Variants in RGS6 observed in about 807,000 individuals in gnomAD.
RGS6 encodes the protein regulator of G protein signaling 6, also known as regulator of G-protein signaling 6.
In RGS6, 30 loss-of-function variants were observed where a neutral mutation model predicts 78.5. That is an observed-to-expected ratio of 0.38 (90% confidence interval 0.29 to 0.52). RGS6 has a LOEUF of 0.52. Among genes scored for constraint, RGS6 ranks in the 20% least tolerant of loss-of-function variants. The pLI is 0.85. For missense variants in RGS6, 495 were observed against 609.7 expected, an observed-to-expected ratio of 0.81 and a Z score of 1.98; for synonymous variants, 206 against 206.0, an observed-to-expected ratio of 1.00 and a Z score of 0.00.
Position 72,103,555 on chromosome 14 carries a change from C to T in RGS6, c.84+138680C>T, listed in dbSNP as rs191422233. The stretch of plus-strand genomic sequence containing the variant: ...AACTTACGTATTTTTGTATATGCAA[C>T]AACTTAGGGAAAAACATAATGGCAG... On this transcript the variant is annotated intron_variant, in intron 2 of 17. Transcript: ENST00000553525. Among the ~76,000 whole-genome samples the T allele has an allele frequency of 3.9e-5, 6 of 152,276 alleles. No individual in the cohort carries two copies. In the East Asian group the frequency reaches 1.2e-3, roughly 29 times the overall value.
chr14:72,433,951 G>A (rs1279672227), intron 3 of RGS6, among the ~76,000 whole-genome samples: 1 of 152,238 alleles, frequency 6.6e-6, no homozygotes, highest in African/African-American at 2.4e-5. Context: ...TGCTGATGTT[G>A]TGTTCCATGA....
intron 2 of RGS6, among the ~76,000 whole-genome samples, chr14:72,318,903 G>T (rs943158837): frequency 3.9e-5 from 6 of 152,204 alleles, no homozygotes; most frequent in African/African-American, 1.4e-4. Context: ...TGGCCGAGAA[G>T]AAGCAGTGGC....
intron 2 of RGS6, among the ~76,000 whole-genome samples, chr14:72,143,927 G>A (rs754293026): frequency 3.9e-5 from 6 of 152,088 alleles, no homozygotes; most frequent in Non-Finnish European, 7.4e-5. Flanking sequence ...CATCAAATTA[G>A]TAAGAGATAT....
chr14:71,971,805 G>A (rs550579934), intron 2 of RGS6, among the ~76,000 whole-genome samples: 30 of 151,956 alleles, frequency 2.0e-4, no homozygotes, highest in Non-Finnish European at 3.2e-4. Flanking sequence ...CTTAGGGGCC[G>A]TTGGAATGGT....
intron 2 of RGS6, among the ~76,000 whole-genome samples, chr14:72,090,797 T>C (rs538268691): frequency 3.3e-5 from 5 of 152,266 alleles, no homozygotes; most frequent in African/African-American, 1.2e-4. Flanking sequence ...GGGCCCACCT[T>C]GGCCTTGCTG....
intron 15 of RGS6, among the ~76,000 whole-genome samples, chr14:72,526,172 C>T (rs1170847519): frequency 2.6e-5 from 4 of 151,466 alleles, no homozygotes; most frequent in Non-Finnish European, 4.4e-5. Flanking sequence ...GGCACAATCT[C>T]GGCTCACTGC....
At chr14:72,560,836 G>GAAA (rs2097665106) in intron 17 of RGS6, among the ~76,000 whole-genome samples, 1 of 142,836 alleles carries the variant, frequency 7.0e-6, no homozygotes, top group African/African-American at 2.8e-5. Context: ...GTGTGTGTGT[G>GAAA]TGTTTAAGAT....
intron 3 of RGS6, among the ~76,000 whole-genome samples, chr14:72,363,118 T>C (rs1189745828): frequency 6.6e-6 from 1 of 152,118 alleles, no homozygotes; most frequent in Admixed American, 6.5e-5. Flanking sequence ...AATAATATAT[T>C]ATAAAGGAAA....
chr14:71,958,746 A>T (rs1302348337), intron 1 of RGS6, among the ~76,000 whole-genome samples: 2 of 152,180 alleles, frequency 1.3e-5, no homozygotes, highest in Non-Finnish European at 2.9e-5. Context: ...GCTCCATGGA[A>T]TCTAGGTCAG....
chr14:72,066,204 T>C (rs1051206011), intron 2 of RGS6, among the ~76,000 whole-genome samples: 4 of 152,150 alleles, frequency 2.6e-5, no homozygotes, highest in South Asian at 2.1e-4. Flanking sequence ...AGAAGTACTT[T>C]TGTGGTTTGA....
chr14:71,995,537 A>G (rs1050633331), intron 2 of RGS6, among the ~76,000 whole-genome samples: 4 of 152,182 alleles, frequency 2.6e-5, no homozygotes, highest in African/African-American at 9.7e-5. Flanking sequence ...AGCCATGGGA[A>G]GTTTCCTTGA....
intron 2 of RGS6, among the ~76,000 whole-genome samples, chr14:72,075,948 A>G (rs1567155222): frequency 1.3e-5 from 2 of 152,208 alleles, no homozygotes; most frequent in Admixed American, 6.5e-5. Context: ...TTCTGACACA[A>G]GGCTCTGGCT....
chr14:71,872,819 G>GT, the RGS6 span, among the ~76,000 whole-genome samples: 6 of 152,116 alleles, frequency 3.9e-5, no homozygotes. Flanking sequence ...CAGGCCCCGT[G>GT]TGTGATATTC....
At chr14:72,009,384 A>G (rs2085234590) in intron 2 of RGS6, among the ~76,000 whole-genome samples, 1 of 152,110 alleles carries the variant, frequency 6.6e-6, no homozygotes. Context: ...AACATTGAGC[A>G]CTAAGTCTGT....
intron 2 of RGS6, among the ~76,000 whole-genome samples, chr14:72,336,545 G>C (rs1158865979): frequency 6.6e-6 from 1 of 151,960 alleles, no homozygotes; most frequent in Non-Finnish European, 1.5e-5. Flanking sequence ...GCGCGCATAG[G>C]GAGAGGCAGT....
At chr14:71,901,150 T>C in the RGS6 span, among the ~76,000 whole-genome samples, 1 of 45,988 alleles carries the variant, frequency 2.2e-5, no homozygotes, top group African/African-American at 9.0e-5. Context: ...TATATCTTTC[T>C]CAAAGTGAGT....
chr14:72,397,504 A>G (rs1299312864), intron 3 of RGS6, among the ~76,000 whole-genome samples: 1 of 151,770 alleles, frequency 6.6e-6, no homozygotes, highest in Admixed American at 6.6e-5. Flanking sequence ...AACAGGGACA[A>G]TTTGACTTCC....
At chr14:72,210,314 C>A (rs546742109) in intron 2 of RGS6, among the ~76,000 whole-genome samples, 1 of 152,276 alleles carries the variant, frequency 6.6e-6, no homozygotes, top group South Asian at 2.1e-4. Flanking sequence ...GAGAGGTGAG[C>A]TTCCAGGGGC....
chr14:72,477,149 C>A, intron 11 of RGS6: 1 of 326,058 alleles, frequency 3.1e-6, no homozygotes, highest in Admixed American at 4.7e-5. Flanking sequence ...AAGGAGGGGG[C>A]TCATGTCACA....
Sources: allele counts gnomAD v4.1 joint callset (sites outside exome capture counted in the v4.1 genomes callset), GRCh38; gene constraint gnomAD v4.1.1; transcripts MANE v1.5; gene names NCBI Gene and HGNC (gene_info 2026-07-23, HGNC 2026-07-21).